The following TRIM9 variants were observed in gnomAD, a reference collection of about 807,000 sequenced individuals.
TRIM9 encodes tripartite motif containing 9, also known as E3 ubiquitin-protein ligase TRIM9.
In TRIM9, 26 loss-of-function variants were observed where a neutral mutation model predicts 78.3. The observed-to-expected ratio is 0.33, with a 90% CI of 0.24 to 0.46. TRIM9 has a LOEUF of 0.46. Among genes scored for constraint, TRIM9 ranks in the 20% least tolerant of loss-of-function variants. The pLI is 1.00. For synonymous variants in TRIM9, 398 were observed against 416.5 expected, an observed-to-expected ratio of 0.96 and a Z score of 0.54; for missense variants, 787 against 1,036.4, an observed-to-expected ratio of 0.76 and a Z score of 3.30.
chr14:50,981,921 A>G lies in TRIM9; in HGVS notation c.2041T>C (p.Phe681Leu). ...DRYDNHPDPA[F>L]GVARMDVMKD... is the part of the protein sequence containing the mutation. ...ATCACGTCCATGCGAGCCACACCAA[A>G]GGCAGGATCAGGGTGGTTGTCATAG... The change falls in exon 11 of 13, where the codon TTT (phenylalanine) becomes CTT (leucine). Residue 681 changes from phenylalanine (F) to leucine (L), a missense_variant. This residue lies in a region of TRIM9 where 421 missense variants were observed against 514.3 expected (regional missense o/e 0.82). Coordinates refer to ENST00000684578, the MANE Select transcript of TRIM9 (RefSeq NM_001387360.1). 1.2e-6 allele frequency: 2 copies of G among 1,614,160 alleles called. No individual in the cohort carries two copies. The highest frequency in any genetic ancestry group is 2.2e-5 in the South Asian group (2 of 91,076).
chr14:51,087,414 A>C (rs1353790830), intron 1 of TRIM9, among the ~76,000 whole-genome samples: 1 of 152,198 alleles, frequency 6.6e-6, no homozygotes, highest in African/African-American at 2.4e-5. Context: ...AGTTAGAAAA[A>C]AGAAAACCTG....
intron 8 of TRIM9, 123 bp downstream of exon 8, chr14:50,985,833 C>T: frequency 1.1e-6 from 1 of 888,596 alleles, no homozygotes. Context: ...GGAAAGCAGG[C>T]CACAGACAGA....
intron 1 of TRIM9, among the ~76,000 whole-genome samples, chr14:51,074,665 G>A (rs1367369893): frequency 6.6e-6 from 1 of 152,170 alleles, no homozygotes; most frequent in Non-Finnish European, 1.5e-5. Flanking sequence ...ATGACAATGA[G>A]TGTGGCCTAT....
chr14:50,998,715 G>C (rs984336134), intron 6 of TRIM9, among the ~76,000 whole-genome samples: 6 of 152,182 alleles, frequency 3.9e-5, no homozygotes, highest in African/African-American at 7.2e-5. Flanking sequence ...AAGCCACCGG[G>C]GATAGGTTTT....
intron 5 of TRIM9, among the ~76,000 whole-genome samples, chr14:51,006,109 A>G (rs987834956): frequency 6.6e-6 from 1 of 152,246 alleles, no homozygotes; most frequent in Non-Finnish European, 1.5e-5. Context: ...AGAAGTAAAC[A>G]GATATTTTAG....
intron 5 of TRIM9, among the ~76,000 whole-genome samples, chr14:51,008,471 A>C (rs940337541): frequency 2.5e-4 from 38 of 152,304 alleles, no homozygotes; most frequent in Admixed American, 1.5e-3. Flanking sequence ...GGTTGGCTTG[A>C]GTTGTTATTT....
intron 1 of TRIM9, among the ~76,000 whole-genome samples, chr14:51,034,725 C>T (rs544811066): frequency 4.6e-5 from 7 of 152,278 alleles, no homozygotes; most frequent in African/African-American, 1.7e-4. Flanking sequence ...TTATAGAGAC[C>T]TATACAGTGA....
At chr14:51,002,435 G>A (rs1040822615) in intron 5 of TRIM9, among the ~76,000 whole-genome samples, 1 of 152,054 alleles carries the variant, frequency 6.6e-6, no homozygotes, top group South Asian at 2.1e-4. Context: ...TGCCCGGCTG[G>A]GAACCATGTT....
intron 1 of TRIM9, among the ~76,000 whole-genome samples, chr14:51,025,960 C>A (rs1249999769): frequency 2.0e-5 from 3 of 152,204 alleles, no homozygotes. Flanking sequence ...TAGCCTCCGA[C>A]ACCAAGGCTT....
At chr14:51,051,630 A>G (rs1044257980) in intron 1 of TRIM9, among the ~76,000 whole-genome samples, 1 of 152,146 alleles carries the variant, frequency 6.6e-6, no homozygotes, top group Non-Finnish European at 1.5e-5. Flanking sequence ...AATCACCCTA[A>G]ACTGAGATTG....
intron 5 of TRIM9, among the ~76,000 whole-genome samples, chr14:51,006,381 A>G (rs975304783): frequency 1.2e-4 from 19 of 152,244 alleles, no homozygotes; most frequent in Non-Finnish European, 2.4e-4. Flanking sequence ...AAAAAATAAG[A>G]AGATGAACGC....
At chr14:50,981,151 T>C (rs1353108651) in intron 11 of TRIM9, among the ~76,000 whole-genome samples, 1 of 152,188 alleles carries the variant, frequency 6.6e-6, no homozygotes, top group Non-Finnish European at 1.5e-5. Flanking sequence ...TGTGTTCAAT[T>C]ATAATGATCT....
rs1034722751 is a variant in TRIM9 at position 51,095,003 on chromosome 14, A to T, written c.-64T>A. 1.6e-5 allele frequency: 20 copies of T among 1,272,794 alleles called. No individual in the cohort carries two copies. Among genetic ancestry groups the T allele is most frequent in the Non-Finnish European group, 1.9e-5 (19 of 979,424 alleles). 78.8% of individuals were successfully genotyped at this position (1,272,794 alleles called of 1,614,324 possible). On this transcript the variant is annotated 5_prime_UTR_variant, in exon 1 of 13. Coordinates refer to ENST00000684578, the MANE Select transcript of TRIM9 (RefSeq NM_001387360.1). ...GGTGCCTGAGCTGGCGAGGTGGCCG[A>T]CGGGCCCGTCTTGTCCAGCACCCTG...
chr14:51,081,183 C>G (rs896073114), intron 1 of TRIM9, among the ~76,000 whole-genome samples: 1 of 152,078 alleles, frequency 6.6e-6, no homozygotes, highest in Non-Finnish European at 1.5e-5. Flanking sequence ...TAAATGAGAG[C>G]AAAGACTTTA....
chr14:51,044,004 G>A (rs1453924480), intron 1 of TRIM9, among the ~76,000 whole-genome samples: 1 of 152,116 alleles, frequency 6.6e-6, no homozygotes, highest in Non-Finnish European at 1.5e-5. Context: ...CTGATAGACT[G>A]GAGCAATGGT....
At chr14:51,040,071 T>C (rs1242953191) in intron 1 of TRIM9, among the ~76,000 whole-genome samples, 4 of 152,154 alleles carry the variant, frequency 2.6e-5, no homozygotes, top group Admixed American at 1.3e-4. Context: ...GCGTGAGCCA[T>C]TGCACCCAGC....
chr14:50,986,630 G>A (rs2052753502), intron 7 of TRIM9, among the ~76,000 whole-genome samples: 1 of 152,098 alleles, frequency 6.6e-6, no homozygotes. Flanking sequence ...CTCCTAATGT[G>A]TATTTTTCTA....
chr14:51,005,994 A>T (rs2055745342), intron 5 of TRIM9, among the ~76,000 whole-genome samples: 1 of 152,076 alleles, frequency 6.6e-6, no homozygotes, highest in Non-Finnish European at 1.5e-5. Context: ...CCAACTGCAA[A>T]CCTACTTTCT....
At chr14:51,082,069 T>C (rs2063350959) in intron 1 of TRIM9, among the ~76,000 whole-genome samples, 1 of 152,118 alleles carries the variant, frequency 6.6e-6, no homozygotes, top group Non-Finnish European at 1.5e-5. Context: ...ACATCACTAG[T>C]CATTAGAGAA....
Sources: gnomAD v4.1 joint callset for allele counts (sites outside exome capture counted in the v4.1 genomes callset) on GRCh38, gnomAD v4.1.1 for gene constraint, gnomAD v4.1.1 regional missense constraint, MANE v1.5 for transcripts, NCBI Gene and HGNC (gene_info 2026-07-23, HGNC 2026-07-21) for gene names.